The following IL23A variants were observed in gnomAD, a reference collection of about 807,000 sequenced individuals.
IL23A encodes the protein interleukin 23 subunit alpha.
Under a neutral mutation model 20.7 loss-of-function variants are expected in IL23A, and 16 were observed. The observed-to-expected ratio is 0.77, with a 90% CI of 0.52 to 1.17. The LOEUF is 1.17. Ranked by LOEUF, IL23A falls within the 50% of genes most tolerant of loss-of-function variation. The probability of loss-of-function intolerance (pLI) is 0.00; values close to 1 mark genes in which losing one functional copy is unlikely to be tolerated. For missense variants in IL23A, 175 were observed against 229.5 expected, an observed-to-expected ratio of 0.76 and a Z score of 1.53; for synonymous variants, 80 against 88.7, an observed-to-expected ratio of 0.90 and a Z score of 0.55.
At position 56,339,851 on chromosome 12, in the gene IL23A, G is replaced by A. The variant is rs776876825; in HGVS notation, c.408+14G>A. The stretch of plus-strand genomic sequence containing the variant: ...CAACTCCTGCAGGTATGAAGTAGGG[G>A]CGTGGAGGATGGGGGCTTGCAGGTG... On this transcript the variant is annotated intron_variant, in intron 3 of 3. Transcript: ENST00000228534. 2 of 1,611,112 alleles carry A rather than the reference G, an allele frequency of 1.2e-6. No homozygotes were observed. The highest frequency in any genetic ancestry group is 2.2e-5 in the South Asian group (2 of 90,872).
chr12:56,340,060 G>A lies in IL23A; in HGVS notation c.526G>A (p.Ala176Thr), dbSNP rs753335993. ...LRSLQAFVAV[A>T]ARVFAHGAAT... ...CAGCCTCCAGGCCTTTGTGGCTGTA[G>A]CCGCCCGGGTCTTTGCCCATGGAGC... Residue 176 changes from alanine (A) to threonine (T), a missense_variant, in exon 4 of 4, where the codon GCC becomes ACC. Physicochemically the swap from Ala to Thr is moderately conservative, Grantham distance 58 (BLOSUM62 0). Coordinates refer to ENST00000228534, the MANE Select transcript of IL23A (RefSeq NM_016584.3). 2 of 1,614,062 alleles carry A rather than the reference G, an allele frequency of 1.2e-6. No homozygotes were observed. Among genetic ancestry groups the A allele is most frequent in the Non-Finnish European group, 1.7e-6 (2 of 1,180,060 alleles).
rs750410589 is a variant in IL23A, at chr12:56,339,406, C to G, written c.163-20C>G. 1.3e-6 allele frequency: 2 copies of G among 1,553,248 alleles called. No individual in the cohort carries two copies. The highest frequency in any genetic ancestry group is 1.8e-6 in the Non-Finnish European group (2 of 1,124,786). ...TACTATCTTACTTCTTCATTCTTTC[C>G]ACCTCTTCCTTCATTCCAGGATCTA... On this transcript the variant is annotated intron_variant, in intron 1 of 3. Coordinates refer to ENST00000228534, the MANE Select transcript of IL23A (RefSeq NM_016584.3).
At position 56,339,449 on chromosome 12, in the gene IL23A, A is replaced by G; in HGVS notation, c.186A>G (p.Glu62=). ...AGGATCTAAGAGAAGAGGGAGATGAAGAGACTACAAATGATGTTCCCCATA... is the reference window on the plus strand; with the variant it reads ...AGGATCTAAGAGAAGAGGGAGATGAGGAGACTACAAATGATGTTCCCCATA... ...GHMDLREEGD[E]ETTNDVPHIQ... is the part of the protein sequence containing the mutation. The change falls in exon 2 of 4, where the codon GAA becomes GAG. Residue 62 remains glutamate (E), a synonymous_variant. Coordinates refer to ENST00000228534, the MANE Select transcript of IL23A (RefSeq NM_016584.3). 3 of 1,610,960 alleles carry G rather than the reference A, an allele frequency of 1.9e-6. No homozygotes were observed. The highest frequency in any genetic ancestry group is 2.5e-6 in the Non-Finnish European group (3 of 1,177,116).
In IL23A at chr12:56,339,124, G is replaced by T; in HGVS notation, c.80G>T (p.Ser27Ile). The change falls in exon 1 of 4, where the codon AGC (serine) becomes ATC (isoleucine). Residue 27 changes from serine (S) to isoleucine (I), a missense_variant. Transcript: ENST00000228534. ...AQGRAVPGGS[S>I]PAWTQCQQLS... ...GGCAGAGCTGTGCCTGGGGGCAGCAGCCCTGCCTGGACTCAGTGCCAGCAG... is the reference window on the plus strand; with the variant it reads ...GGCAGAGCTGTGCCTGGGGGCAGCATCCCTGCCTGGACTCAGTGCCAGCAG... 6.3e-7 allele frequency: 1 copy of T among 1,584,596 alleles called. No homozygotes were observed. The highest frequency in any genetic ancestry group is 8.6e-7 in the Non-Finnish European group (1 of 1,161,530).
In IL23A at chr12:56,339,049, T is replaced by C. The variant is rs745769997; in HGVS notation, c.5T>C (p.Leu2Pro). Residue 2 changes from leucine to proline, a missense_variant, in exon 1 of 4, where the codon CTG becomes CCG. Transcript: ENST00000228534. ...ATTTGAGAAGAAGGCAAAAAGATGCTGGGGAGCAGAGCTGTAATGCTGCTG... is the reference window on the plus strand; with the variant it reads ...ATTTGAGAAGAAGGCAAAAAGATGCCGGGGAGCAGAGCTGTAATGCTGCTG... M[L>P]GSRAVMLLLL... 9.3e-6 allele frequency: 13 copies of C among 1,391,328 alleles called. No individual in the cohort carries two copies. The South Asian group carries it at 2.5e-4, about 26-fold the overall frequency. The allele number at this position is 1,391,328 out of a possible 1,614,324, so 86.2% of individuals were successfully genotyped here. A position where few individuals can be genotyped will look rare whatever the true frequency, so the allele number is the denominator to read the frequency against.
Position 56,339,716 on chromosome 12 carries a change from G to C in IL23A, c.287G>C (p.Gly96Ala). ...TTCTGCTTGCAAAGGATCCACCAGG[G>C]TCTGATTTTTTATGAGAAGCTGCTA... is the stretch of plus-strand genomic sequence containing the variant. ...SQFCLQRIHQ[G>A]LIFYEKLLGS... Residue 96 changes from glycine (G) to alanine (A), a missense_variant, in exon 3 of 4, where the codon GGT (glycine) becomes GCT (alanine). Physicochemically the swap from Gly to Ala is moderately conservative, Grantham distance 60. Coordinates refer to ENST00000228534, the MANE Select transcript of IL23A (RefSeq NM_016584.3). 3.1e-6 allele frequency: 5 copies of C among 1,613,990 alleles called. No homozygotes were observed. The highest frequency in any genetic ancestry group is 4.2e-6 in the Non-Finnish European group (5 of 1,179,952).
Position 56,339,768 on chromosome 12 carries a change from T to C in IL23A, c.339T>C (p.Pro113=), listed in dbSNP as rs1163827411. 1 of 1,613,902 alleles carries C rather than the reference T, an allele frequency of 6.2e-7. No individual in the cohort carries two copies. Among genetic ancestry groups the C allele is most frequent in the East Asian group, 2.2e-5 (1 of 44,878 alleles). ...GATCGGATATTTTCACAGGGGAGCC[T>C]TCTCTGCTCCCTGATAGCCCTGTGG... ...LLGSDIFTGE[P]SLLPDSPVGQ... Residue 113 remains proline, a synonymous_variant, in exon 3 of 4, where the codon CCT becomes CCC. Coordinates refer to ENST00000228534, the MANE Select transcript of IL23A (RefSeq NM_016584.3).
chr12:56,339,850 G>C lies in IL23A; in HGVS notation c.408+13G>C. On this transcript the variant is annotated intron_variant, in intron 3 of 3. Transcript: ENST00000228534. ...CCAACTCCTGCAGGTATGAAGTAGG[G>C]GCGTGGAGGATGGGGGCTTGCAGGT... The C allele has an allele frequency of 2.5e-6, 4 of 1,611,174 alleles. No individual in the cohort carries two copies. The highest frequency in any genetic ancestry group is 1.1e-5 in the South Asian group (1 of 90,868).
chr12:56,339,345 A>G (rs1876401220), intron 1 of IL23A, 81 bp from the exon 2 acceptor site: 2 of 1,367,134 alleles, frequency 1.5e-6, no homozygotes, highest in East Asian at 4.6e-5. Context: ...TTCCTGGGAG[A>G]GTCATGGGCC....
In IL23A at chr12:56,339,027, T is replaced by C; in HGVS notation, c.-18T>C. 7.3e-7 allele frequency: 1 copy of C among 1,373,764 alleles called. No individual in the cohort carries two copies. The allele number at this position is 1,373,764 out of a possible 1,614,324, so 85.1% of individuals were successfully genotyped here. A position where few individuals can be genotyped will look rare whatever the true frequency, so the allele number is the denominator to read the frequency against. On this transcript the variant is annotated 5_prime_UTR_variant, in exon 1 of 4. Transcript: ENST00000228534. The stretch of plus-strand genomic sequence containing the variant: ...TGCAAGGCGCAGAGCCAGCCAGATT[T>C]GAGAAGAAGGCAAAAAGATGCTGGG...
Position 56,340,157 on chromosome 12 carries a change from A to G in IL23A, c.*53A>G. The G allele has an allele frequency of 6.3e-7, 1 of 1,575,860 alleles. No homozygotes were observed. The highest frequency in any genetic ancestry group is 8.7e-7 in the Non-Finnish European group (1 of 1,155,666). Reference sequence around the variant, plus strand: ...ATCTCCATGGCCCAGCAAGGCCAAGATAAATCTACCACCCCAGGCACCTGT... The same window carrying G: ...ATCTCCATGGCCCAGCAAGGCCAAGGTAAATCTACCACCCCAGGCACCTGT... On this transcript the variant is annotated 3_prime_UTR_variant, in exon 4 of 4. Coordinates refer to ENST00000228534, the MANE Select transcript of IL23A (RefSeq NM_016584.3).
In IL23A at chr12:56,340,269, C is replaced by A; in HGVS notation, c.*165C>A. On this transcript the variant is annotated 3_prime_UTR_variant, in exon 4 of 4. Transcript: ENST00000228534. ...ATACTGACTGACATGTGATGCTGAC[C>A]TATGATAAGGTTGAGTATTTATTAG... The A allele has an allele frequency of 1.5e-6, 1 of 678,832 alleles. No homozygotes were observed. The highest frequency in any genetic ancestry group is 2.8e-5 in the East Asian group (1 of 35,908). The allele number at this position is 678,832 out of a possible 1,614,324, so 42.1% of individuals were successfully genotyped here.
In IL23A at chr12:56,339,206, G is replaced by A. The variant is rs1171592628; in HGVS notation, c.162G>A (p.Met54Ile). 14 of 1,533,530 alleles carry A rather than the reference G, an allele frequency of 9.1e-6. No individual in the cohort carries two copies. The highest frequency in any genetic ancestry group is 1.2e-5 in the Non-Finnish European group (14 of 1,140,162). The allele number at this position is 1,533,530 out of a possible 1,614,324, so 95.0% of individuals were successfully genotyped here. A position where few individuals can be genotyped will look rare whatever the true frequency, so the allele number is the denominator to read the frequency against. ...AWSAHPLVGH[M>I]DLREEGDEET... ...GTGCACATCCACTAGTGGGACACAT[G>A]GTGAGTGGCAGCCCCTGGAGCCTAA... is the stretch of plus-strand genomic sequence containing the variant. The change falls in exon 1 of 4, where the codon ATG becomes ATA. Residue 54 changes from methionine (M) to isoleucine (I), a missense_variant and splice_region_variant. Coordinates refer to ENST00000228534, the MANE Select transcript of IL23A (RefSeq NM_016584.3).
rs766545393 is a variant in IL23A, at chr12:56,339,640, G to A, written c.262-51G>A. 12 of 1,608,108 alleles carry A rather than the reference G, an allele frequency of 7.5e-6. No individual in the cohort carries two copies. The Admixed American group carries it at 1.8e-4, about 25-fold the overall frequency. On this transcript the variant is annotated intron_variant, in intron 2 of 3. Coordinates refer to ENST00000228534, the MANE Select transcript of IL23A (RefSeq NM_016584.3). ...GTAAGAAACTGGGTGAGTCTTCAGT[G>A]AATGGAGTAGGAAGAGGGTGTCCTC...
rs746727343 is a variant in IL23A, at chr12:56,339,758, C to G, written c.329C>G (p.Thr110Arg). The G allele has an allele frequency of 1.9e-6, 3 of 1,613,944 alleles. No homozygotes were observed. Among genetic ancestry groups the G allele is most frequent in the Non-Finnish European group, 2.5e-6 (3 of 1,179,976 alleles). The change falls in exon 3 of 4, where the codon ACA becomes AGA. Residue 110 changes from threonine (T) to arginine (R), a missense_variant. Physicochemically the swap from Thr to Arg is moderately conservative, Grantham distance 71. Coordinates refer to ENST00000228534, the MANE Select transcript of IL23A (RefSeq NM_016584.3). ...AAGCTGCTAGGATCGGATATTTTCACAGGGGAGCCTTCTCTGCTCCCTGAT... is the reference window on the plus strand; with the variant it reads ...AAGCTGCTAGGATCGGATATTTTCAGAGGGGAGCCTTCTCTGCTCCCTGAT... ...YEKLLGSDIF[T>R]GEPSLLPDSP...
chr12:56,339,360 G>A (rs1876401584), intron 1 of IL23A, 66 bp from the exon 2 acceptor site: 1 of 1,392,634 alleles, frequency 7.2e-7, no homozygotes, highest in Non-Finnish European at 1.0e-6. Context: ...TGGGCCTGAG[G>A]GTCCAGGTTG....
At position 56,340,364 on chromosome 12, in the gene IL23A, A is replaced by C. The variant is rs1876456924; in HGVS notation, c.*260A>C. ...TTGGGGAGGATTATTTATTGTATTT[A>C]TATTGAATTATGTACTTTTTTCAAT... On this transcript the variant is annotated 3_prime_UTR_variant, in exon 4 of 4. Coordinates refer to ENST00000228534, the MANE Select transcript of IL23A (RefSeq NM_016584.3). 2.5e-6 allele frequency: 1 copy of C among 398,698 alleles called. No individual in the cohort carries two copies. Among genetic ancestry groups the C allele is most frequent in the East Asian group, 4.1e-5 (1 of 24,142 alleles). The allele number at this position is 398,698 out of a possible 1,614,324, so 24.7% of individuals were successfully genotyped here. A position where few individuals can be genotyped will look rare whatever the true frequency, so the allele number is the denominator to read the frequency against.
At position 56,339,520 on chromosome 12, in the gene IL23A, G is replaced by C. The variant is rs1375584008; in HGVS notation, c.257G>C (p.Ser86Thr). Residue 86 changes from serine (S) to threonine (T), a missense_variant, in exon 2 of 4, where the codon AGT becomes ACT. By Grantham distance (58) the Ser-to-Thr change is moderately conservative (BLOSUM62 1). Transcript: ENST00000228534. ...GACCCCCAAGGACTCAGGGACAACA[G>C]TCAGGTACCACTGGGATGTGGCTGG... ...GCDPQGLRDN[S>T]QFCLQRIHQG... is the part of the protein sequence containing the mutation. 3.1e-6 allele frequency: 5 copies of C among 1,607,976 alleles called. No individual in the cohort carries two copies. The highest frequency in any genetic ancestry group is 4.3e-6 in the Non-Finnish European group (5 of 1,174,472).
At position 56,339,139 on chromosome 12, in the gene IL23A, A is replaced by G. The variant is rs1876396122; in HGVS notation, c.95A>G (p.Gln32Arg). 1 of 1,587,752 alleles carries G rather than the reference A, an allele frequency of 6.3e-7. No homozygotes were observed. The highest frequency in any genetic ancestry group is 8.6e-7 in the Non-Finnish European group (1 of 1,163,354). Reference sequence around the variant, plus strand: ...GGGGGCAGCAGCCCTGCCTGGACTCAGTGCCAGCAGCTTTCACAGAAGCTC... The same window carrying G: ...GGGGGCAGCAGCCCTGCCTGGACTCGGTGCCAGCAGCTTTCACAGAAGCTC... Reference protein sequence around the residue: ...VPGGSSPAWTQCQQLSQKLCT... With the variant: ...VPGGSSPAWTRCQQLSQKLCT... The change falls in exon 1 of 4, where the codon CAG becomes CGG. Residue 32 changes from glutamine to arginine, a missense_variant. Transcript: ENST00000228534.
Sources: gnomAD v4.1 joint callset for allele counts on GRCh38, gnomAD v4.1.1 for gene constraint, MANE v1.5 for transcripts, NCBI Gene and HGNC (gene_info 2026-07-23, HGNC 2026-07-21) for gene names.